The following VEPH1 variants were observed in gnomAD, a reference collection of about 807,000 sequenced individuals.
The protein encoded by VEPH1 is ventricular zone expressed PH domain containing 1, also known as ventricular zone-expressed PH domain-containing protein homolog 1.
VEPH1 carries 80 observed loss-of-function variants against 85.2 expected under a neutral mutation model. The ratio of observed to expected loss-of-function variants is 0.94; its 90% CI spans 0.78 to 1.13. The LOEUF (loss-of-function observed/expected upper bound fraction) is 1.13, where lower values mean the gene tolerates loss of function less well. VEPH1 is among the 50% of genes most tolerant of loss of function. The pLI is 0.00. For missense variants in VEPH1, 955 were observed against 980.5 expected, an observed-to-expected ratio of 0.97 and a Z score of 0.35; for synonymous variants, 297 against 348.0, an observed-to-expected ratio of 0.85 and a Z score of 1.63.
intron 9 of VEPH1, among the ~76,000 whole-genome samples, chr3:157,344,667 A>T (rs1016136952): frequency 3.9e-5 from 6 of 152,226 alleles, no homozygotes; most frequent in Admixed American, 3.3e-4. Flanking sequence ...CAGAATTGGA[A>T]AAAACTACTT....
chr3:157,340,614 C>A (rs1221956731), intron 9 of VEPH1, among the ~76,000 whole-genome samples: 2 of 152,144 alleles, frequency 1.3e-5, no homozygotes, highest in Non-Finnish European at 2.9e-5. Flanking sequence ...CATAGCTGAA[C>A]AAAAGGGAGC....
At position 157,316,916 on chromosome 3, in the gene VEPH1, A is replaced by T. The variant is rs138452590; in HGVS notation, c.1875+146T>A. The T allele has an allele frequency of 8.5e-5, 62 of 729,934 alleles. 1 individual carries two copies. The East Asian group carries it at 1.9e-3, about 23-fold the overall frequency. The allele number at this position is 729,934 out of a possible 1,614,324, so 45.2% of individuals were successfully genotyped here. ...AGGAAACTATCCTAAAATATAAAAA[A>T]CCGAGGTTAAAGTTATTAATGAAAT... On this transcript the variant is annotated intron_variant, in intron 10 of 13. Transcript: ENST00000362010.
chr3:157,453,657 A>G lies in VEPH1; in HGVS notation c.529+6524T>C, dbSNP rs183058915. ...GAGGAGAAAAACTATAAGTAATGAAAAAAGAAACCCCATGATGACTCCTCA... is the reference window on the plus strand; with the variant it reads ...GAGGAGAAAAACTATAAGTAATGAAGAAAGAAACCCCATGATGACTCCTCA... On this transcript the variant is annotated intron_variant, in intron 4 of 13. Transcript: ENST00000362010. Among the ~76,000 whole-genome samples the G allele has an allele frequency of 3.9e-5, 6 of 152,314 alleles. No homozygotes were observed. The East Asian group carries it at 1.2e-3, about 29-fold the overall frequency.
At chr3:157,503,467 T>G (rs1740268915), upstream of VEPH1, 1 of 152,196 alleles carries the variant, frequency 6.6e-6, no homozygotes, top group South Asian at 2.1e-4. Context: ...CCCCATTGAC[T>G]CACCGTGCGG....
chr3:157,321,682 G>A lies in VEPH1; in HGVS notation c.1736-4481C>T, dbSNP rs112623968. On this transcript the variant is annotated intron_variant, in intron 9 of 13. Coordinates refer to ENST00000362010, the MANE Select transcript of VEPH1 (RefSeq NM_001167912.2). ...TAGAAAGAGCATTGGCTGAGGATTC[G>A]GACAGAGTTTTATGGGTAGATTGTG... 2.8e-3 allele frequency among the ~76,000 whole-genome samples: 425 copies of A among 152,122 alleles called. 4 individuals carry two copies. Among genetic ancestry groups the A allele is most frequent in the African/African-American group, 9.6e-3 (398 of 41,502 alleles).
intron 9 of VEPH1, among the ~76,000 whole-genome samples, chr3:157,328,018 C>G (rs1395424345): frequency 1.3e-5 from 2 of 152,138 alleles, no homozygotes. Context: ...TATTTACCAG[C>G]TGTGTGTCTT....
rs116555516 is a variant in VEPH1 at position 157,372,243 on chromosome 3, A to G, written c.1128-7731T>C. Among the ~76,000 whole-genome samples, 1,043 of 152,288 alleles carry G rather than the reference A, an allele frequency of 6.8e-3. 18 individuals carry two copies. Among genetic ancestry groups the G allele is most frequent in the African/African-American group, 0.024 (985 of 41,552 alleles). ...TCTCATAGTCTTCATCTCAAATATG[A>G]TACTGTAACCCAATTTTAATTGATA... On this transcript the variant is annotated intron_variant, in intron 7 of 13. Transcript: ENST00000362010.
intron 7 of VEPH1, among the ~76,000 whole-genome samples, chr3:157,377,463 G>A (rs1560009626): frequency 6.6e-6 from 1 of 151,352 alleles, no homozygotes; most frequent in Non-Finnish European, 1.5e-5. Context: ...ATTGCTAATT[G>A]GGTTGGGCCT....
chr3:157,416,423 C>G (rs904583736), intron 5 of VEPH1, among the ~76,000 whole-genome samples: 1 of 152,136 alleles, frequency 6.6e-6, no homozygotes, highest in East Asian at 1.9e-4. Flanking sequence ...ACAAATGCTG[C>G]CTGTGCATTA....
In VEPH1 at chr3:157,265,525, C is replaced by T; in HGVS notation, c.2265+1G>A. On this transcript the variant is annotated splice_donor_variant, in intron 13 of 13. Coordinates refer to ENST00000362010, the MANE Select transcript of VEPH1 (RefSeq NM_001167912.2). LOFTEE classifies it high-confidence loss of function. Reference sequence around the variant, plus strand: ...GTGTAAAAGATGATGGAGGAACTTACAGACTTTCCTTTTTGAAACAGAAGT... The same window carrying T: ...GTGTAAAAGATGATGGAGGAACTTATAGACTTTCCTTTTTGAAACAGAAGT... The T allele has an allele frequency of 6.2e-7, 1 of 1,611,680 alleles. No individual in the cohort carries two copies.
intron 9 of VEPH1, among the ~76,000 whole-genome samples, chr3:157,333,850 T>TC (rs1380168385): frequency 2.7e-5 from 4 of 150,354 alleles, no homozygotes; most frequent in African/African-American, 1.0e-4. Context: ...CCGTTTACAT[T>TC]TTTTTTTCCC....
chr3:157,428,354 AAAGCCGTAG>A lies in VEPH1; in HGVS notation c.655_663del (p.Arg220_Leu222del). On this transcript the variant is annotated inframe_deletion, in exon 5 of 14. Coordinates refer to ENST00000362010, the MANE Select transcript of VEPH1 (RefSeq NM_001167912.2). Reference sequence around the variant, plus strand: ...TGTTTTTTCTTTGCTGCTACATGCAAAAGCCGTAGTAGATGGTACTGTTCTGGCTGTTCC... The same window carrying A: ...TGTTTTTTCTTTGCTGCTACATGCAATAGATGGTACTGTTCTGGCTGTTCC... 6.2e-7 allele frequency: 1 copy of A among 1,614,142 alleles called. No homozygotes were observed. The highest frequency in any genetic ancestry group is 8.5e-7 in the Non-Finnish European group (1 of 1,179,996).
intron 12 of VEPH1, 138 bp from the exon 13 acceptor site, chr3:157,265,800 T>C: frequency 1.2e-6 from 1 of 854,766 alleles, no homozygotes; most frequent in Non-Finnish European, 1.7e-6. Flanking sequence ...TGAATTTGGT[T>C]AACCTTTCCT....
chr3:157,300,129 CTAATAGTA>C (rs1718617398), intron 11 of VEPH1, among the ~76,000 whole-genome samples: 1 of 151,950 alleles, frequency 6.6e-6, no homozygotes, highest in Non-Finnish European at 1.5e-5. Flanking sequence ...GCTATTTATT[CTAATAGTA>C]TAGTGCCTGG....
chr3:157,373,513 A>G (rs905344186), intron 7 of VEPH1, among the ~76,000 whole-genome samples: 1 of 152,336 alleles, frequency 6.6e-6, no homozygotes, highest in South Asian at 2.1e-4. Context: ...AAGTTCAATT[A>G]TGACAGATAC....
chr3:157,475,767 A>T (rs1737407691), intron 2 of VEPH1, among the ~76,000 whole-genome samples: 1 of 152,134 alleles, frequency 6.6e-6, no homozygotes, highest in Non-Finnish European at 1.5e-5. Flanking sequence ...TTATGTATAG[A>T]CCTACTCAGG....
chr3:157,498,013 T>C (rs565301648), intron 1 of VEPH1, among the ~76,000 whole-genome samples: 13 of 152,316 alleles, frequency 8.5e-5, no homozygotes, highest in African/African-American at 3.1e-4. Context: ...AAAAATCTCC[T>C]GGATACTACA....
rs1286355478 is a variant in VEPH1 at position 157,413,872 on chromosome 3, C to A, written c.906+9G>T. ...TTCAGGGGAATGGAGAGAAAAAAGC[C>A]AAACTTACTTCATCCACATGCCCAA... On this transcript the variant is annotated intron_variant, in intron 6 of 13. Transcript: ENST00000362010. The A allele has an allele frequency of 6.2e-7, 1 of 1,611,872 alleles. No homozygotes were observed. Among genetic ancestry groups the A allele is most frequent in the Admixed American group, 1.7e-5 (1 of 59,904 alleles).
At chr3:157,382,109 G>A (rs1018498622) in intron 6 of VEPH1, among the ~76,000 whole-genome samples, 11 of 152,174 alleles carry the variant, frequency 7.2e-5, no homozygotes, top group Admixed American at 3.3e-4. Flanking sequence ...TATTCCACTA[G>A]TGTGCTAGGT....
Sources: allele counts gnomAD v4.1 joint callset (sites outside exome capture counted in the v4.1 genomes callset), GRCh38; gene constraint gnomAD v4.1.1; transcripts MANE v1.5; gene names NCBI Gene and HGNC (gene_info 2026-07-23, HGNC 2026-07-21).